The following ORC3 variants were observed in gnomAD, a reference collection of about 807,000 sequenced individuals.
The protein encoded by ORC3 is homolog of latheo, Drosophila.
In ORC3, 78 loss-of-function variants were observed where a neutral mutation model predicts 100.7. The observed-to-expected ratio is 0.77, with a 90% CI of 0.65 to 0.94. The LOEUF (loss-of-function observed/expected upper bound fraction) is 0.94, where lower values mean the gene tolerates loss of function less well. ORC3 is among the 40% of genes least tolerant of loss of function. The pLI is 0.00. For synonymous variants in ORC3, 295 were observed against 289.3 expected (o/e 1.02, Z -0.20); for missense variants, 789 against 823.9 (o/e 0.96, Z 0.52).
intron 2 of ORC3, among the ~76,000 whole-genome samples, chr6:87,597,412 A>G (rs1582996194): frequency 6.6e-6 from 1 of 152,090 alleles, no homozygotes; most frequent in Admixed American, 6.6e-5. Flanking sequence ...CTAAGACCCT[A>G]ACCCGGATCA....
intron 9 of ORC3, among the ~76,000 whole-genome samples, chr6:87,617,082 C>T (rs1779210958): frequency 6.6e-6 from 1 of 152,224 alleles, no homozygotes; most frequent in African/African-American, 2.4e-5. Context: ...CAGGCCTGAG[C>T]CACTACGCCC....
chr6:87,675,731 G>A, the ORC3 span: 1 of 1,451,978 alleles, frequency 6.9e-7, no homozygotes, highest in Non-Finnish European at 9.5e-7. Context: ...AAGTTATGCT[G>A]CCTATTTCCT....
chr6:87,677,203 A>G, the ORC3 span, among the ~76,000 whole-genome samples: 1 of 152,206 alleles, frequency 6.6e-6, no homozygotes, highest in Non-Finnish European at 1.5e-5. Flanking sequence ...AACAAAAGCT[A>G]ACAACAAAAC....
chr6:87,627,458 G>T (rs1043023195), intron 11 of ORC3, among the ~76,000 whole-genome samples: 1 of 149,380 alleles, frequency 6.7e-6, no homozygotes, highest in Non-Finnish European at 1.5e-5. Flanking sequence ...ACCACACCCG[G>T]CTAATTTTTG....
chr6:87,612,066 T>G (rs1394459009), intron 7 of ORC3, 23 bp from the exon 8 acceptor site: 1 of 1,601,352 alleles, frequency 6.2e-7, no homozygotes, highest in South Asian at 1.1e-5. Flanking sequence ...AATTTCACTT[T>G]TGTGTCTGTC....
intron 4 of ORC3, among the ~76,000 whole-genome samples, chr6:87,605,311 G>C (rs890813544): frequency 2.6e-5 from 4 of 152,186 alleles, no homozygotes; most frequent in African/African-American, 9.7e-5. Context: ...TTTCCTTAAA[G>C]AGCTTGTTAG....
At chr6:87,619,793 A>G (rs1779407495) in intron 9 of ORC3, among the ~76,000 whole-genome samples, 2 of 152,186 alleles carry the variant, frequency 1.3e-5, no homozygotes. Flanking sequence ...AGGTCACACC[A>G]CTAACAAGTG....
At chr6:87,626,747 A>G (rs1191595765) in intron 11 of ORC3, among the ~76,000 whole-genome samples, 1 of 151,016 alleles carries the variant, frequency 6.6e-6, no homozygotes, top group East Asian at 1.9e-4. Flanking sequence ...AGACAGCGCC[A>G]CTGCACTCCA....
intron 19 of ORC3, 79 bp from the exon 20 acceptor site, chr6:87,666,939 C>T: frequency 1.3e-6 from 1 of 764,492 alleles, no homozygotes; most frequent in Non-Finnish European, 2.2e-6. Context: ...ATTTTACCAA[C>T]TAGTATTTTA....
chr6:87,601,889 C>G lies in ORC3; in HGVS notation c.177+8C>G. The G allele has an allele frequency of 6.6e-7, 1 of 1,508,020 alleles. No homozygotes were observed. The highest frequency in any genetic ancestry group is 9.2e-7 in the Non-Finnish European group (1 of 1,084,518). The allele number at this position is 1,508,020 out of a possible 1,614,324, so 93.4% of individuals were successfully genotyped here. A position where few individuals can be genotyped will look rare whatever the true frequency, so the allele number is the denominator to read the frequency against. ...ATGAAATCTGAAAATGAGGTGAATA[C>G]TTTTTTTAATAATTTTCTGTAACAC... On this transcript the variant is annotated splice_region_variant and intron_variant, in intron 3 of 19. Transcript: ENST00000392844.
At chr6:87,657,067 TTTTTG>T (rs1562380158) in intron 15 of ORC3, 85 bp downstream of exon 15, 3 of 887,190 alleles carry the variant, frequency 3.4e-6, no homozygotes, top group Non-Finnish European at 3.6e-6. Context: ...TGCCTGGATG[TTTTTG>T]TTTTCATTTT....
chr6:87,634,080 A>G (rs1767631551), intron 11 of ORC3, among the ~76,000 whole-genome samples: 1 of 152,082 alleles, frequency 6.6e-6, no homozygotes, highest in Admixed American at 6.6e-5. Context: ...TTCTAAGCTC[A>G]AGCTATCCTC....
At position 87,607,681 on chromosome 6, in the gene ORC3, C is replaced by A; in HGVS notation, c.436C>A (p.His146Asn). 6.3e-7 allele frequency: 1 copy of A among 1,599,748 alleles called. No individual in the cohort carries two copies. The change falls in exon 6 of 20, where the codon CAT becomes AAT. Residue 146 changes from histidine (H) to asparagine (N), a missense_variant. Coordinates refer to ENST00000392844, the MANE Select transcript of ORC3 (RefSeq NM_012381.4). ...CTTTTTATATTCCACAGATATGAAA[C>A]ATTTTTTGCAAAAGTTGATCTCACA... ...LQAKDCPDMK[H>N]FLQKLISQLM...
chr6:87,602,924 ATACACGT>A (rs1259453030), intron 3 of ORC3, among the ~76,000 whole-genome samples: 13 of 130,002 alleles, frequency 1.0e-4, no homozygotes, highest in East Asian at 6.7e-4. Context: ...ATATATATAT[ATACACGT>A]TTATATATAT....
In ORC3 at chr6:87,601,847, A is replaced by G. The variant is rs752230394; in HGVS notation, c.143A>G (p.Gln48Arg). ...AGTAAGCTTCGATTCGAAACTTATC[A>G]GTTGATATGGCAGCAGATGAAATCT... Reference protein sequence around the residue: ...EDSKLRFETYQLIWQQMKSEN... With the variant: ...EDSKLRFETYRLIWQQMKSEN... Residue 48 changes from glutamine (Q) to arginine (R), a missense_variant, in exon 3 of 20, where the codon CAG (glutamine) becomes CGG (arginine). By Grantham distance (43) the Gln-to-Arg change is conservative. This residue lies in a region of ORC3 where 399 missense variants were observed against 382.0 expected (regional missense o/e 1.04). Coordinates refer to ENST00000392844, the MANE Select transcript of ORC3 (RefSeq NM_012381.4). 1.7e-5 allele frequency: 27 copies of G among 1,610,398 alleles called. No homozygotes were observed. Among genetic ancestry groups the G allele is most frequent in the Non-Finnish European group, 1.9e-5 (22 of 1,176,720 alleles).
intron 17 of ORC3, 36 bp downstream of exon 17, chr6:87,663,180 C>T (rs1770337146): frequency 1.3e-6 from 2 of 1,552,414 alleles, no homozygotes; most frequent in Admixed American, 1.7e-5. Context: ...TAGTTTAGCT[C>T]AGACTCTGGG....
intron 2 of ORC3, 27 bp from the exon 3 acceptor site, chr6:87,601,757 A>G (rs1562320870): frequency 7.8e-7 from 1 of 1,277,024 alleles, no homozygotes; most frequent in African/African-American, 1.5e-5. Context: ...TGAAAAAAGA[A>G]ACTGACTTAT....
chr6:87,655,409 A>G (rs534453865), intron 14 of ORC3, among the ~76,000 whole-genome samples: 31 of 148,966 alleles, frequency 2.1e-4, no homozygotes, highest in African/African-American at 7.7e-4. Flanking sequence ...GCTGGAGTGC[A>G]GTAGCATGAT....
chr6:87,604,318 ATG>A (rs1390505267), intron 4 of ORC3, among the ~76,000 whole-genome samples: 1 of 152,214 alleles, frequency 6.6e-6, no homozygotes. Flanking sequence ...TCGTATTAAA[ATG>A]TAGATTTTGG....
Sources: gnomAD v4.1 joint callset for allele counts (sites outside exome capture counted in the v4.1 genomes callset) on GRCh38, gnomAD v4.1.1 for gene constraint, gnomAD v4.1.1 regional missense constraint, MANE v1.5 for transcripts, NCBI Gene and HGNC (gene_info 2026-07-23, HGNC 2026-07-21) for gene names.